Variants in CIP2A observed in about 807,000 individuals in gnomAD.
CIP2A encodes protein CIP2A.
In CIP2A, 103 loss-of-function variants were observed where a neutral mutation model predicts 110.9. That is an observed-to-expected ratio of 0.93 (90% CI 0.79 to 1.09). The LOEUF is 1.09. Among genes scored for constraint, CIP2A ranks in the 50% least tolerant of loss-of-function variants. The probability of loss-of-function intolerance (pLI) is 0.00; values close to 1 mark genes in which losing one functional copy is unlikely to be tolerated. For synonymous variants in CIP2A, 381 were observed against 361.6 expected (o/e 1.05, Z -0.61); for missense variants, 1,088 against 1,038.4 (o/e 1.05, Z -0.66).
At chr3:108,573,032 T>C (rs533309436) in intron 8 of CIP2A, among the ~76,000 whole-genome samples, 32 of 151,958 alleles carry the variant, frequency 2.1e-4, no homozygotes, top group Non-Finnish European at 4.3e-4. Context: ...TTTTATCAAA[T>C]GCTATTCCAC....
chr3:108,575,502 A>G (rs1444056649), intron 8 of CIP2A, among the ~76,000 whole-genome samples: 1 of 149,778 alleles, frequency 6.7e-6, no homozygotes, highest in Admixed American at 6.7e-5. Flanking sequence ...ATATGTATAT[A>G]TGTATATATA....
chr3:108,553,894 T>TACAAAAAA (rs1303036231), intron 18 of CIP2A, among the ~76,000 whole-genome samples, 164 bp from the exon 19 acceptor site: 3,396 of 49,672 alleles, frequency 0.068, 1,206 homozygotes, highest in Non-Finnish European at 0.1. Context: ...CTACTAAAAA[T>TACAAAAAA]ATAAAAAAAA....
In CIP2A at chr3:108,585,847, G is replaced by GT. The variant is rs35161671; in HGVS notation, c.103-636dup. 75 of 448,106 alleles carry GT rather than the reference G, an allele frequency of 1.7e-4. No individual in the cohort carries two copies. In the East Asian group the frequency reaches 3.2e-3, roughly 19 times the overall value. The allele number at this position is 448,106 out of a possible 1,614,324, so 27.8% of individuals were successfully genotyped here. A position where few individuals can be genotyped will look rare whatever the true frequency, so the allele number is the denominator to read the frequency against. Reference sequence around the variant, plus strand: ...AAATTTTATTTCTGATTATTCCATTGTTTTTTTTACTTTCTTGTAATCTAT... The same window carrying GT: ...AAATTTTATTTCTGATTATTCCATTGTTTTTTTTTACTTTCTTGTAATCTAT... On this transcript the variant is annotated intron_variant, in intron 1 of 20. Transcript: ENST00000295746.
chr3:108,579,275 T>C lies in CIP2A; in HGVS notation c.818+6A>G. On this transcript the variant is annotated splice_donor_region_variant and intron_variant, in intron 7 of 20. Coordinates refer to ENST00000295746, the MANE Select transcript of CIP2A (RefSeq NM_020890.3). ...AAGTTCTAAAATTGACTGAAGTGAG[T>C]CATACCTGGTGAGATAATCAGCAAT... 6.2e-7 allele frequency: 1 copy of C among 1,600,616 alleles called. No individual in the cohort carries two copies.
intron 1 of CIP2A, among the ~76,000 whole-genome samples, chr3:108,585,948 A>G (rs1472423868): frequency 1.3e-5 from 2 of 152,080 alleles, no homozygotes; most frequent in Non-Finnish European, 2.9e-5. Flanking sequence ...GAGAGGAGGT[A>G]AAGCTGGAAC....
Position 108,553,628 on chromosome 3 carries a change from T to A in CIP2A, c.2407+20A>T. The A allele has an allele frequency of 6.5e-7, 1 of 1,545,736 alleles. No homozygotes were observed. Among genetic ancestry groups the A allele is most frequent in the Non-Finnish European group, 8.8e-7 (1 of 1,131,228 alleles). On this transcript the variant is annotated intron_variant, in intron 19 of 20. Transcript: ENST00000295746. ...AAATACATTAAAAATAGAAAATGTA[T>A]TAAATAAGAAGCCACTTACTTGCTA... is the stretch of plus-strand genomic sequence containing the variant.
At position 108,579,440 on chromosome 3, in the gene CIP2A, T is replaced by C. The variant is rs1005960931; in HGVS notation, c.673-14A>G. ...AGCATGGAATAGCTTAAGGACAAAT[T>C]AGAAAAAGCATATTAGACAAAAAAT... is the stretch of plus-strand genomic sequence containing the variant. On this transcript the variant is annotated splice_polypyrimidine_tract_variant and intron_variant, in intron 6 of 20. Coordinates refer to ENST00000295746, the MANE Select transcript of CIP2A (RefSeq NM_020890.3). The C allele has an allele frequency of 1.3e-6, 2 of 1,591,960 alleles. No homozygotes were observed. Among genetic ancestry groups the C allele is most frequent in the African/African-American group, 1.4e-5 (1 of 73,722 alleles).
chr3:108,562,284 C>A (rs981426335), intron 13 of CIP2A, among the ~76,000 whole-genome samples: 6 of 152,006 alleles, frequency 3.9e-5, no homozygotes, highest in Non-Finnish European at 8.8e-5. Context: ...CCTATCTGGT[C>A]TCTGTCACAA....
chr3:108,579,693 G>A lies in CIP2A; in HGVS notation c.550-5C>T. ...ATAAAAAGATTTCACATTACTCTGA[G>A]GAAAAAAAAGTTAAAAAATAAATTA... On this transcript the variant is annotated splice_polypyrimidine_tract_variant and splice_region_variant and intron_variant, in intron 5 of 20. Transcript: ENST00000295746. The A allele has an allele frequency of 1.3e-6, 2 of 1,510,940 alleles. No individual in the cohort carries two copies. Among genetic ancestry groups the A allele is most frequent in the Non-Finnish European group, 1.8e-6 (2 of 1,129,142 alleles). 93.6% of individuals were successfully genotyped at this position (1,510,940 alleles called of 1,614,324 possible).
chr3:108,584,922 T>G, intron 2 of CIP2A, 143 bp downstream of exon 2: 1 of 594,180 alleles, frequency 1.7e-6, no homozygotes, highest in Non-Finnish European at 2.7e-6. Context: ...ACTTCCTCAG[T>G]GTCAAAAGAT....
chr3:108,575,289 TACACACACGTGTACGTAC>T (rs959657313), intron 8 of CIP2A, among the ~76,000 whole-genome samples: 3 of 130,268 alleles, frequency 2.3e-5, no homozygotes, highest in African/African-American at 1.4e-4. Context: ...CACGTGTACG[TACACACACGTGTACGTAC>T]ACACACGTGC....
chr3:108,573,900 G>A (rs1938482015), intron 8 of CIP2A, among the ~76,000 whole-genome samples: 1 of 152,076 alleles, frequency 6.6e-6, no homozygotes, highest in South Asian at 2.1e-4. Flanking sequence ...CTTCACAACA[G>A]ACACAAAAGT....
intron 19 of CIP2A, among the ~76,000 whole-genome samples, chr3:108,552,590 C>T (rs1190851840): frequency 6.6e-6 from 1 of 152,010 alleles, no homozygotes; most frequent in Non-Finnish European, 1.5e-5. Context: ...GGACAATTCT[C>T]AAAAGTGTAA....
intron 9 of CIP2A, 23 bp from the exon 10 acceptor site, chr3:108,568,337 T>C (rs775215735): frequency 1.2e-6 from 2 of 1,603,566 alleles, no homozygotes; most frequent in African/African-American, 2.7e-5. Context: ...CCATCACAAA[T>C]GATTAAAAGC....
At chr3:108,572,664 ATATT>A (rs1401516464) in intron 8 of CIP2A, among the ~76,000 whole-genome samples, 1 of 152,126 alleles carries the variant, frequency 6.6e-6, no homozygotes, top group East Asian at 1.9e-4. Flanking sequence ...AATAAAATAT[ATATT>A]TACTGATCTT....
Position 108,585,164 on chromosome 3 carries a change from A to G in CIP2A, c.151T>C (p.Leu51=), listed in dbSNP as rs762737151. 6.2e-6 allele frequency: 10 copies of G among 1,613,162 alleles called. No homozygotes were observed. The highest frequency in any genetic ancestry group is 8.5e-6 in the Non-Finnish European group (10 of 1,179,398). ...LTRLFTSNQI[L]TSECLSCLVE... is the part of the protein sequence containing the mutation. ...AGGCAACTCAAGCATTCACTTGTTAATATCTGATTTGATGTAAATAGTCGT... is the reference window on the plus strand; with the variant it reads ...AGGCAACTCAAGCATTCACTTGTTAGTATCTGATTTGATGTAAATAGTCGT... Residue 51 remains leucine (L), a synonymous_variant, in exon 2 of 21, where the codon TTA becomes CTA. Transcript: ENST00000295746.
At chr3:108,587,852 T>C (rs1195962328) in intron 1 of CIP2A, among the ~76,000 whole-genome samples, 3 of 152,092 alleles carry the variant, frequency 2.0e-5, no homozygotes, top group Non-Finnish European at 4.4e-5. Context: ...GAGCGATCTC[T>C]ACTTATGCAA....
At chr3:108,556,409 G>T (rs1937802838) in intron 17 of CIP2A, among the ~76,000 whole-genome samples, 1 of 152,066 alleles carries the variant, frequency 6.6e-6, no homozygotes, top group Non-Finnish European at 1.5e-5. Context: ...GGCCTAAAAA[G>T]ATAAAAGAGT....
In CIP2A at chr3:108,577,839, C is replaced by T. The variant is rs1002274856; in HGVS notation, c.818+1442G>A. On this transcript the variant is annotated intron_variant, in intron 7 of 20. Transcript: ENST00000295746. The stretch of plus-strand genomic sequence containing the variant: ...ACTTGAACCCAGGAGGCGGAGGTTG[C>T]AGTGAGCCAGGATCACACCACTGCA... Among the ~76,000 whole-genome samples the T allele has an allele frequency of 1.1e-4, 16 of 152,238 alleles. 1 individual carries two copies. The highest frequency in any genetic ancestry group is 6.5e-4 in the Admixed American group (10 of 15,292).
Sources: gnomAD v4.1 joint callset for allele counts (sites outside exome capture counted in the v4.1 genomes callset) on GRCh38, gnomAD v4.1.1 for gene constraint, MANE v1.5 for transcripts, NCBI Gene and HGNC (gene_info 2026-07-23, HGNC 2026-07-21) for gene names.